The following TJP3 variants were observed in gnomAD, a reference collection of about 807,000 sequenced individuals.
TJP3 encodes the protein tight junction protein 3, also known as tight junction protein ZO-3.
In TJP3, 85 loss-of-function variants were observed where a neutral mutation model predicts 104.2. That is an observed-to-expected ratio of 0.82 (90% CI 0.68 to 0.98). The LOEUF is 0.98. Among genes scored for constraint, TJP3 ranks in the 50% least tolerant of loss-of-function variants. The pLI, the probability that TJP3 is intolerant of heterozygous loss-of-function variation, is 0.00. For missense variants in TJP3, 1,367 were observed against 1,322.8 expected (o/e 1.03, Z -0.52); for synonymous variants, 550 against 550.6 (o/e 1.00, Z 0.02).
At position 3,728,881 on chromosome 19, in the gene TJP3, C is replaced by T. The variant is rs567537920; in HGVS notation, c.158+168C>T. Among the ~76,000 whole-genome samples, 240 of 152,170 alleles carry T rather than the reference C, an allele frequency of 1.6e-3. 2 individuals are homozygous for T. Among genetic ancestry groups the T allele is most frequent in the African/African-American group, 5.3e-3 (221 of 41,518 alleles). On this transcript the variant is annotated intron_variant, in intron 3 of 20. Transcript: ENST00000541714. ...CAGCCTGGCCAACATGGTGAAACCC[C>T]GTCTCTACTAAAATTACAAAAATTA... is the stretch of plus-strand genomic sequence containing the variant.
At chr19:3,731,331 G>A (rs572234447) in intron 5 of TJP3, among the ~76,000 whole-genome samples, 2 of 152,106 alleles carry the variant, frequency 1.3e-5, no homozygotes, top group African/African-American at 4.8e-5. Context: ...TCACCACAGG[G>A]TCCTTATAAG....
In TJP3 at chr19:3,750,152, C is replaced by A. The variant is rs776236829; in HGVS notation, c.2625C>A (p.His875Gln). 2 of 1,614,094 alleles carry A rather than the reference C, an allele frequency of 1.2e-6. No individual in the cohort carries two copies. The highest frequency in any genetic ancestry group is 3.3e-5 in the Admixed American group (2 of 60,020). Residue 875 changes from histidine (H) to glutamine (Q), a missense_variant, in exon 20 of 21, where the codon CAC becomes CAA. His to Gln is a conservative substitution (Grantham distance 24). Coordinates refer to ENST00000541714, the MANE Select transcript of TJP3 (RefSeq NM_001267560.2). ...TCTCCTCCAAGGTGGACAGCCGCCACCCCCAGGGACAGTGGCGACAGGACA... is the reference window on the plus strand; with the variant it reads ...TCTCCTCCAAGGTGGACAGCCGCCAACCCCAGGGACAGTGGCGACAGGACA... ...AHQGAQVDSR[H>Q]PQGQWRQDSM...
chr19:3,748,158 G>A (rs1189153051), intron 19 of TJP3, 77 bp downstream of exon 19: 1 of 1,445,424 alleles, frequency 6.9e-7, no homozygotes, highest in East Asian at 2.5e-5. Context: ...CACACTGGGA[G>A]CCTGTTTTCT....
At chr19:3,742,755 C>T (rs1414977133) in intron 14 of TJP3, among the ~76,000 whole-genome samples, 1 of 94,070 alleles carries the variant, frequency 1.1e-5, no homozygotes, top group African/African-American at 4.2e-5. Context: ...CACCTGAGTT[C>T]GGGAGTTCGA....
intron 7 of TJP3, among the ~76,000 whole-genome samples, 196 bp from the exon 8 acceptor site, chr19:3,734,131 C>T (rs1259364506): frequency 1.3e-5 from 2 of 152,198 alleles, no homozygotes; most frequent in East Asian, 1.9e-4. Context: ...GAGCGATTCT[C>T]GTGCCTTGGC....
intron 19 of TJP3, among the ~76,000 whole-genome samples, chr19:3,749,133 G>A (rs546136222): frequency 6.6e-6 from 1 of 151,796 alleles, no homozygotes; most frequent in South Asian, 2.1e-4. Flanking sequence ...CTCTCAGAGT[G>A]TTGGGATTAG....
chr19:3,727,760 G>C (rs2036615675), intron 1 of TJP3, among the ~76,000 whole-genome samples: 2 of 152,158 alleles, frequency 1.3e-5, no homozygotes, highest in Admixed American at 6.5e-5. Context: ...AGCCTGGCGT[G>C]GTGGTGGGCA....
At position 3,736,258 on chromosome 19, in the gene TJP3, C is replaced by T. The variant is rs373388797; in HGVS notation, c.1221C>T (p.Ser407=). 7.6e-5 allele frequency: 118 copies of T among 1,560,448 alleles called. No individual in the cohort carries two copies. Among genetic ancestry groups the T allele is most frequent in the African/African-American group, 4.4e-4 (32 of 73,166 alleles). The stretch of plus-strand genomic sequence containing the variant: ...GCAATGACGTGGGCATCTTCGTGTC[C>T]GGGGTGCAGGCGGGCAGCCCGGCCG... ...AGGNDVGIFV[S]GVQAGSPADG... The change falls in exon 11 of 21, where the codon TCC becomes TCT. Residue 407 remains serine (S), a synonymous_variant. Transcript: ENST00000541714.
In TJP3 at chr19:3,739,077, T is replaced by G. The variant is rs780755075; in HGVS notation, c.1574T>G (p.Val525Gly). 2.5e-6 allele frequency: 4 copies of G among 1,604,906 alleles called. No homozygotes were observed. The highest frequency in any genetic ancestry group is 3.4e-6 in the Non-Finnish European group (4 of 1,175,006). ...GCACGAGGAGGCCACTGGCTGGCGG[T>G]GCGCATGGGTCGTGACCTGCGGGAG... ...SHARGGHWLA[V>G]RMGRDLREQE... Residue 525 changes from valine (V) to glycine (G), a missense_variant, in exon 13 of 21, where the codon GTG (valine) becomes GGG (glycine). Val to Gly is a moderately radical substitution (Grantham distance 109). Coordinates refer to ENST00000541714, the MANE Select transcript of TJP3 (RefSeq NM_001267560.2).
intron 14 of TJP3, among the ~76,000 whole-genome samples, chr19:3,742,475 C>A (rs567842604): frequency 6.6e-6 from 1 of 151,204 alleles, no homozygotes; most frequent in Admixed American, 6.6e-5. Flanking sequence ...AGAGATTAAG[C>A]TCTTATCAGA....
At chr19:3,719,245 TGGC>T (rs1220122931) in intron 1 of TJP3, among the ~76,000 whole-genome samples, 2 of 151,184 alleles carry the variant, frequency 1.3e-5, no homozygotes, top group Admixed American at 6.6e-5. Flanking sequence ...CACCTGCTGG[TGGC>T]GGAGTGTCAC....
At chr19:3,739,733 GA>G (rs1407568922) in intron 13 of TJP3, among the ~76,000 whole-genome samples, 2 of 152,164 alleles carry the variant, frequency 1.3e-5, no homozygotes, top group African/African-American at 4.8e-5. Flanking sequence ...GGCTCCAGGA[GA>G]AAACCAATTT....
intron 6 of TJP3, among the ~76,000 whole-genome samples, chr19:3,732,469 G>A (rs2036683843): frequency 6.6e-6 from 1 of 151,568 alleles, no homozygotes; most frequent in Admixed American, 6.6e-5. Context: ...TTTCCAAATT[G>A]CTTTCAGCTG....
At chr19:3,708,760 G>T (rs577557239) in intron 1 of TJP3, among the ~76,000 whole-genome samples, 199 bp downstream of exon 1, 55 of 152,292 alleles carry the variant, frequency 3.6e-4, no homozygotes, top group African/African-American at 1.3e-3. Context: ...GGCAGTTACT[G>T]CACCTGGCGG....
Position 3,730,826 on chromosome 19 carries a change from G to T in TJP3, c.613+120G>T, listed in dbSNP as rs1207759674. The stretch of plus-strand genomic sequence containing the variant: ...CTCCCTGGTGGCTGGGACTCCAGGC[G>T]CCCGCCACCATGCCTGGCTAATTTT... On this transcript the variant is annotated intron_variant, in intron 5 of 20. Coordinates refer to ENST00000541714, the MANE Select transcript of TJP3 (RefSeq NM_001267560.2). This position sits in a 1 kb window ranked among gnomAD's most constrained non-coding sequence, Gnocchi z 7.3. 9.3e-7 allele frequency: 1 copy of T among 1,075,576 alleles called. No homozygotes were observed. The highest frequency in any genetic ancestry group is 2.7e-5 in the East Asian group (1 of 37,070). 66.6% of individuals were successfully genotyped at this position (1,075,576 alleles called of 1,614,324 possible).
chr19:3,745,077 G>A (rs979373433), intron 15 of TJP3, among the ~76,000 whole-genome samples: 7 of 144,674 alleles, frequency 4.8e-5, no homozygotes, highest in African/African-American at 1.8e-4. Context: ...GCAAAATCAC[G>A]TTTCTATAAA....
chr19:3,713,213 C>T (rs1275605015), intron 1 of TJP3, among the ~76,000 whole-genome samples: 1 of 152,146 alleles, frequency 6.6e-6, no homozygotes, highest in Admixed American at 6.6e-5. Flanking sequence ...ATCTTGGCAA[C>T]CCACAGACCG....
rs146857520 is a variant in TJP3 at position 3,731,943 on chromosome 19, G to A, written c.622G>A (p.Val208Ile). The A allele has an allele frequency of 6.1e-5, 98 of 1,612,828 alleles. No homozygotes were observed. In the Middle Eastern group the frequency reaches 8.3e-4, roughly 14 times the overall value. The change falls in exon 6 of 21, where the codon GTC (valine) becomes ATC (isoleucine). Residue 208 changes from valine to isoleucine, a missense_variant. By Grantham distance (29) the Val-to-Ile change is conservative (BLOSUM62 3). Transcript: ENST00000541714. Reference protein sequence around the residue: ...VKRRDSEEFGVKLGSQIFIKH... With the variant: ...VKRRDSEEFGIKLGSQIFIKH... ...CTCCTCCCCCCTTACAGAGTTTGGC[G>A]TCAAGCTGGGCAGTCAGATCTTCAT... is the stretch of plus-strand genomic sequence containing the variant.
Position 3,732,001 on chromosome 19 carries a change from G to A in TJP3, c.680G>A (p.Arg227Gln), listed in dbSNP as rs761231205. Residue 227 changes from arginine to glutamine, a missense_variant, in exon 6 of 21, where the codon CGG (arginine) becomes CAG (glutamine). Coordinates refer to ENST00000541714, the MANE Select transcript of TJP3 (RefSeq NM_001267560.2). ...ATTACAGATTCGGGCCTGGCTGCCCGGCACCGTGGGCTGCAGGAAGGAGAT... is the reference window on the plus strand; with the variant it reads ...ATTACAGATTCGGGCCTGGCTGCCCAGCACCGTGGGCTGCAGGAAGGAGAT... ...KHITDSGLAARHRGLQEGDLI... is the reference protein window; with the variant it reads ...KHITDSGLAAQHRGLQEGDLI... 17 of 1,613,210 alleles carry A rather than the reference G, an allele frequency of 1.1e-5. No homozygotes were observed. The highest frequency in any genetic ancestry group is 3.3e-5 in the Admixed American group (2 of 59,972).
Sources: allele counts gnomAD v4.1 joint callset (sites outside exome capture counted in the v4.1 genomes callset), GRCh38; gene constraint gnomAD v4.1.1; non-coding constraint Gnocchi (gnomAD v3.1); transcripts MANE v1.5; gene names NCBI Gene and HGNC (gene_info 2026-07-23, HGNC 2026-07-21).